HNRNPU: variants seen among roughly 807,000 people sequenced by gnomAD.
The protein encoded by HNRNPU is heterogeneous nuclear ribonucleoprotein U.
HNRNPU carries 5 observed loss-of-function variants against 94.7 expected under a neutral mutation model. The observed-to-expected ratio is 0.05, with a 90% CI of 0.03 to 0.11. HNRNPU has a LOEUF of 0.11. Ranked by LOEUF, HNRNPU falls within the 10% of genes least tolerant of loss-of-function variation. HNRNPU has a pLI of 1.00. For synonymous variants in HNRNPU, 434 were observed against 381.6 expected, an observed-to-expected ratio of 1.14 and a Z score of -1.60; for missense variants, 710 against 1,049.2, an observed-to-expected ratio of 0.68 and a Z score of 4.47.
chr1:244,863,743 C>G lies in HNRNPU; in HGVS notation c.565G>C (p.Gly189Arg). 1 of 1,579,212 alleles carries G rather than the reference C, an allele frequency of 6.3e-7. No homozygotes were observed. Among genetic ancestry groups the G allele is most frequent in the Non-Finnish European group, 8.6e-7 (1 of 1,166,796 alleles). Reference sequence around the variant, plus strand: ...GTCACCGCGAACAGCGAGGTGGGGCCGCTGCTCTTCCCCGCGGCCTCCTTG... The same window carrying G: ...GTCACCGCGAACAGCGAGGTGGGGCGGCTGCTCTTCCCCGCGGCCTCCTTG... Reference protein sequence around the residue: ...AAKEAAGKSSGPTSLFAVTVA... With the variant: ...AAKEAAGKSSRPTSLFAVTVA... The change falls in exon 1 of 14, where the codon GGC becomes CGC. Residue 189 changes from glycine to arginine, a missense_variant. This residue lies in a region of HNRNPU where 292 missense variants were observed against 293.4 expected (regional missense o/e 1.00). Transcript: ENST00000640218.
Position 244,856,809 on chromosome 1 carries a change from T to C in HNRNPU, c.1662A>G (p.Thr554=). ...KQMADTGKLN[T]LLQRAPQCLG... is the part of the protein sequence containing the mutation. ...GACACTGGGGGGCTCTCTGCAACAG[T>C]GTGTTCAGTTTTCCAGTATCTGCCA... is the stretch of plus-strand genomic sequence containing the variant. Residue 554 remains threonine (T), a synonymous_variant, in exon 9 of 14, where the codon ACA becomes ACG. Coordinates refer to ENST00000640218, the MANE Select transcript of HNRNPU (RefSeq NM_031844.3). 1 of 1,610,614 alleles carries C rather than the reference T, an allele frequency of 6.2e-7. No homozygotes were observed. The highest frequency in any genetic ancestry group is 8.5e-7 in the Non-Finnish European group (1 of 1,178,960).
At chr1:244,863,522 G>A in intron 1 of HNRNPU, 95 bp downstream of exon 1, 1 of 1,257,022 alleles carries the variant, frequency 8.0e-7, no homozygotes, top group African/African-American at 1.6e-5. Context: ...TCCCGCCCGG[G>A]GCTCCCTCCC....
chr1:244,858,018 T>C lies in HNRNPU; in HGVS notation c.1487A>G (p.Asp496Gly), dbSNP rs1274587234. 1 of 1,586,354 alleles carries C rather than the reference T, an allele frequency of 6.3e-7. No homozygotes were observed. Among genetic ancestry groups the C allele is most frequent in the Non-Finnish European group, 8.5e-7 (1 of 1,171,028 alleles). ...RGPKGPEEKK[D>G]CEVVMMIGLP... is the part of the protein sequence containing the mutation. The stretch of plus-strand genomic sequence containing the variant: ...AAAAAAAAAATCCCTTACTTCACAA[T>C]CTTTCTTCTCTTCAGGCCCCTTTGG... The change falls in exon 7 of 14, where the codon GAT becomes GGT. Residue 496 changes from aspartate (D) to glycine (G), a missense_variant. Physicochemically the swap from Asp to Gly is moderately conservative, Grantham distance 94. This residue lies in a region of HNRNPU where 150 missense variants were observed against 187.9 expected (regional missense o/e 0.80). Coordinates refer to ENST00000640218, the MANE Select transcript of HNRNPU (RefSeq NM_031844.3).
rs80113571 is a variant in HNRNPU, at chr1:244,852,353, T to C, written c.*2097A>G. ...GGCTAAACAGGCATGATAGTCTACCTAGTGTTACTTGACCATTACTTTCCC... is the reference window on the plus strand; with the variant it reads ...GGCTAAACAGGCATGATAGTCTACCCAGTGTTACTTGACCATTACTTTCCC... On this transcript the variant is annotated 3_prime_UTR_variant, in exon 14 of 14. Transcript: ENST00000640218. 5.2e-3 allele frequency: 787 copies of C among 152,308 alleles called. 7 individuals carry two copies. The highest frequency in any genetic ancestry group is 0.018 in the African/African-American group (751 of 41,556). The allele number at this position is 152,308 out of a possible 1,614,324, so 9.4% of individuals were successfully genotyped here. A position where few individuals can be genotyped will look rare whatever the true frequency, so the allele number is the denominator to read the frequency against.
At chr1:244,857,252 T>A (rs917063527) in intron 8 of HNRNPU, 1 of 217,204 alleles carries the variant, frequency 4.6e-6, no homozygotes, top group East Asian at 1.1e-4. Context: ...CTTTTCTTTT[T>A]TTTTTTTTTC....
chr1:244,864,191 C>T lies in HNRNPU; in HGVS notation c.117G>A (p.Gln39=), dbSNP rs867807766. 2 of 1,610,000 alleles carry T rather than the reference C, an allele frequency of 1.2e-6. No individual in the cohort carries two copies. Among genetic ancestry groups the T allele is most frequent in the Middle Eastern group, 3.3e-4 (2 of 6,058 alleles). The change falls in exon 1 of 14, where the codon CAG becomes CAA. Residue 39 remains glutamine (Q), a synonymous_variant. Transcript: ENST00000640218. ...CGGCCTCCTCGTCGTCCAGCGCAGC[C>T]TGGAGTCGCTCCATGAGCTCGGCCT... ...GLKAELMERL[Q]AALDDEEAGG...
chr1:244,860,215 C>T (rs1307175320), intron 4 of HNRNPU, 120 bp downstream of exon 4: 8 of 714,500 alleles, frequency 1.1e-5, no homozygotes, highest in Admixed American at 6.0e-5. Flanking sequence ...CAAGGAGAAT[C>T]GCTTGAACCC....
Position 244,856,662 on chromosome 1 carries a change from A to AT in HNRNPU, c.1744-38dup, listed in dbSNP as rs771174421. ...GAAATTTATGTTTACAACCCTAAAC[A>AT]TTAATTCTACACCAATCTATCTAAA... On this transcript the variant is annotated intron_variant, in intron 9 of 13. Transcript: ENST00000640218. 10 of 1,610,760 alleles carry AT rather than the reference A, an allele frequency of 6.2e-6. No homozygotes were observed. In the African/African-American group the frequency reaches 1.3e-4, roughly 22 times the overall value.
Position 244,854,385 on chromosome 1 carries a change from AGAAAAC to A in HNRNPU, c.*59_*64del. 1 of 1,121,124 alleles carries A rather than the reference AGAAAAC, an allele frequency of 8.9e-7. No homozygotes were observed. The highest frequency in any genetic ancestry group is 1.4e-6 in the Non-Finnish European group (1 of 736,892). 69.4% of individuals were successfully genotyped at this position (1,121,124 alleles called of 1,614,324 possible). A position where few individuals can be genotyped will look rare whatever the true frequency, so the allele number is the denominator to read the frequency against. On this transcript the variant is annotated 3_prime_UTR_variant, in exon 14 of 14. Transcript: ENST00000640218. Reference sequence around the variant, plus strand: ...AATGTTTAAAAAGTTAGCCTACTAAAGAAAACAGTCGACTTCTTGTGAAGGTTTTGG... The same window carrying A: ...AATGTTTAAAAAGTTAGCCTACTAAAAGTCGACTTCTTGTGAAGGTTTTGG...
Position 244,854,218 on chromosome 1 carries a change from C to T in HNRNPU, c.*232G>A. On this transcript the variant is annotated 3_prime_UTR_variant, in exon 14 of 14. Transcript: ENST00000640218. The stretch of plus-strand genomic sequence containing the variant: ...AAAATGTAGAACCCTGAAATACTGA[C>T]ACATTCTCTTATCGTGCACAATGCT... 2 of 422,646 alleles carry T rather than the reference C, an allele frequency of 4.7e-6. No homozygotes were observed. Among genetic ancestry groups the T allele is most frequent in the Non-Finnish European group, 4.2e-6 (1 of 238,482 alleles). The allele number at this position is 422,646 out of a possible 1,614,324, so 26.2% of individuals were successfully genotyped here.
In HNRNPU at chr1:244,856,936, T is replaced by A; in HGVS notation, c.1615-80A>T. The A allele has an allele frequency of 4.3e-6, 5 of 1,154,160 alleles. No homozygotes were observed. In the South Asian group the frequency reaches 7.4e-5, roughly 17 times the overall value. 71.5% of individuals were successfully genotyped at this position (1,154,160 alleles called of 1,614,324 possible). On this transcript the variant is annotated intron_variant, in intron 8 of 13. Coordinates refer to ENST00000640218, the MANE Select transcript of HNRNPU (RefSeq NM_031844.3). The stretch of plus-strand genomic sequence containing the variant: ...CTTTTTAAAATTCAACTCATATCTA[T>A]ATGTAAAGCAGGCAACATTTTATAA...
At chr1:244,862,274 C>T in intron 3 of HNRNPU, 187 bp downstream of exon 3, 1 of 531,356 alleles carries the variant, frequency 1.9e-6, no homozygotes, top group South Asian at 2.8e-5. Context: ...GTAAAATAAT[C>T]CACTTAATAC....
At chr1:244,855,328 C>A (rs544290114) in intron 12 of HNRNPU, 96 bp downstream of exon 12, 10 of 1,174,132 alleles carry the variant, frequency 8.5e-6, no homozygotes, top group Non-Finnish European at 1.2e-5. Context: ...CTATCATGTT[C>A]CTTACGGATT....
intron 4 of HNRNPU, 150 bp from the exon 5 acceptor site, chr1:244,859,524 C>T: frequency 2.0e-6 from 1 of 488,790 alleles, no homozygotes; most frequent in South Asian, 3.8e-5. Flanking sequence ...TTTGTAAGAA[C>T]TTTAAACTGA....
rs757534329 is a variant in HNRNPU, at chr1:244,851,381, TAAAA to T, written c.*3065_*3068del. The T allele has an allele frequency of 2.0e-5, 3 of 152,208 alleles. No homozygotes were observed. The highest frequency in any genetic ancestry group is 2.9e-5 in the Non-Finnish European group (2 of 68,024). The allele number at this position is 152,208 out of a possible 1,614,324, so 9.4% of individuals were successfully genotyped here. On this transcript the variant is annotated 3_prime_UTR_variant, in exon 14 of 14. Coordinates refer to ENST00000640218, the MANE Select transcript of HNRNPU (RefSeq NM_031844.3). ...ACCCATTATTCACATGGTCCTAGAA[TAAAA>T]AGTCAATTTATATTGTGAATAAATT... is the stretch of plus-strand genomic sequence containing the variant.
Position 244,864,136 on chromosome 1 carries a change from C to T in HNRNPU, c.172G>A (p.Gly58Ser), listed in dbSNP as rs943805343. Residue 58 changes from glycine (G) to serine (S), a missense_variant, in exon 1 of 14, where the codon GGC becomes AGC. By Grantham distance (56) the Gly-to-Ser change is moderately conservative. Transcript: ENST00000640218. ...GGRPAMEPGN[G>S]SLDLGGDSAG... ...GAATCCCCGCCCAGGTCTAGGCTGC[C>T]GTTCCCGGGCTCCATGGCGGGGCGG... 1 of 1,601,620 alleles carries T rather than the reference C, an allele frequency of 6.2e-7. No homozygotes were observed. The highest frequency in any genetic ancestry group is 2.3e-5 in the East Asian group (1 of 44,360).
rs752832971 is a variant in HNRNPU, at chr1:244,862,602, A to T, written c.803+17T>A. 32 of 1,604,630 alleles carry T rather than the reference A, an allele frequency of 2.0e-5. No individual in the cohort carries two copies. Among genetic ancestry groups the T allele is most frequent in the Non-Finnish European group, 2.6e-5 (31 of 1,171,440 alleles). On this transcript the variant is annotated intron_variant, in intron 2 of 13. Transcript: ENST00000640218. ...GAACGAATAAGGGATGAGTAAAACT[A>T]GGTGAGCATCCTATACCTGCTATAC...
chr1:244,860,750 T>C (rs1680803977), intron 3 of HNRNPU: 1 of 505,518 alleles, frequency 2.0e-6, no homozygotes, highest in African/African-American at 2.0e-5. Flanking sequence ...CAATGTGACA[T>C]TAATACATAC....
chr1:244,854,845 G>A (rs749140687), intron 13 of HNRNPU, 128 bp downstream of exon 13: 2 of 760,412 alleles, frequency 2.6e-6, no homozygotes, highest in Non-Finnish European at 2.2e-6. Context: ...ACTGCAAGAC[G>A]ATTCACACTT....
Sources: gnomAD v4.1 joint callset for allele counts on GRCh38, gnomAD v4.1.1 for gene constraint, gnomAD v4.1.1 regional missense constraint, MANE v1.5 for transcripts, NCBI Gene and HGNC (gene_info 2026-07-23, HGNC 2026-07-21) for gene names.